ITPR2: variants seen among roughly 807,000 people sequenced by gnomAD.
ITPR2 encodes the protein inositol 1,4,5-trisphosphate receptor type 2, also known as inositol 1,4,5-trisphosphate-gated calcium channel ITPR2.
A neutral mutation model predicts 317.1 loss-of-function variants in ITPR2; 207 were observed. That is an observed-to-expected ratio of 0.65 (90% confidence interval 0.58 to 0.73). The LOEUF is 0.73. ITPR2 is among the 30% of genes least tolerant of loss of function. The pLI is 0.00. For missense variants in ITPR2, 2,613 were observed against 3,284.0 expected, an observed-to-expected ratio of 0.80 and a Z score of 4.99; for synonymous variants, 1,156 against 1,149.1, an observed-to-expected ratio of 1.01 and a Z score of -0.12.
intron 2 of ITPR2, among the ~76,000 whole-genome samples, chr12:26,728,867 G>A (rs34629155): frequency 0.21 from 32,059 of 152,104 alleles, 3,534 homozygotes; most frequent in Non-Finnish European, 0.24. Flanking sequence ...AAGATGAAGA[G>A]ATGACTAAAT....
At position 26,387,480 on chromosome 12, in the gene ITPR2, G is replaced by A. The variant is rs780374790; in HGVS notation, c.7811C>T (p.Pro2604Leu). ...YFIVLVKVKD[P>L]TEYTGPESYV... ...ACTTTCAGGTCCAGTGTATTCTGTT[G>A]GGTCTTTAACTTTCACCAGGACTAT... Residue 2604 changes from proline (P) to leucine (L), a missense_variant, in exon 55 of 57, where the codon CCA becomes CTA. Coordinates refer to ENST00000381340, the MANE Select transcript of ITPR2 (RefSeq NM_002223.4). The A allele has an allele frequency of 2.5e-6, 4 of 1,613,750 alleles. No homozygotes were observed. Among genetic ancestry groups the A allele is most frequent in the Non-Finnish European group, 2.5e-6 (3 of 1,179,818 alleles).
intron 2 of ITPR2, among the ~76,000 whole-genome samples, chr12:26,782,044 A>AT: frequency 3.4e-5 from 2 of 58,344 alleles, no homozygotes; most frequent in African/African-American, 1.7e-4. Context: ...GTATAGAGAG[A>AT]GAGAGAGAGA....
At chr12:26,755,865 A>G (rs922884539) in intron 2 of ITPR2, among the ~76,000 whole-genome samples, 1 of 152,168 alleles carries the variant, frequency 6.6e-6, no homozygotes, top group African/African-American at 2.4e-5. Context: ...ACCTGTAGTA[A>G]GTAAAGAATG....
At chr12:26,590,353 G>A (rs1198641564) in intron 32 of ITPR2, among the ~76,000 whole-genome samples, 1 of 152,140 alleles carries the variant, frequency 6.6e-6, no homozygotes, top group Non-Finnish European at 1.5e-5. Context: ...TGTGTTGCTG[G>A]AGAAAAAATA....
Position 26,663,767 on chromosome 12 carries a change from T to C in ITPR2, c.1631A>G (p.Gln544Arg). The change falls in exon 15 of 57, where the codon CAA becomes CGA. Residue 544 changes from glutamine (Q) to arginine (R), a missense_variant. Gln to Arg is a conservative substitution (Grantham distance 43). Around this residue, in one of 9 missense-constraint regions of ITPR2, gnomAD observed 515 missense variants for 789.4 expected, o/e 0.65. Transcript: ENST00000381340. ...SMLRLEDLGD[Q>R]RYAPYKYMLR... ...CATGTACTTGTAGGGTGCATATCTT[T>C]GATCCCCCAGATCTTCAAGTCTCAG... is the stretch of plus-strand genomic sequence containing the variant. 1.9e-6 allele frequency: 3 copies of C among 1,614,146 alleles called. No individual in the cohort carries two copies. In the South Asian group the frequency reaches 3.3e-5, roughly 18 times the overall value.
At chr12:26,425,253 T>A (rs1769463594) in intron 49 of ITPR2, among the ~76,000 whole-genome samples, 1 of 152,178 alleles carries the variant, frequency 6.6e-6, no homozygotes. Flanking sequence ...AAAACATGTT[T>A]ATTAATCCAC....
At position 26,665,989 on chromosome 12, in the gene ITPR2, T is replaced by C. The variant is rs773653838; in HGVS notation, c.1472A>G (p.Gln491Arg). The C allele has an allele frequency of 1.2e-6, 2 of 1,613,624 alleles. No homozygotes were observed. Among genetic ancestry groups the C allele is most frequent in the Non-Finnish European group, 1.7e-6 (2 of 1,179,534 alleles). Reference protein sequence around the residue: ...FFVADVPNNGQEVLDVVITKP... With the variant: ...FFVADVPNNGREVLDVVITKP... The stretch of plus-strand genomic sequence containing the variant: ...AGTGATAACCACATCCAGAACTTCT[T>C]GTCCATTATTAGGCACATCAGCAAC... Residue 491 changes from glutamine to arginine, a missense_variant, in exon 14 of 57, where the codon CAA (glutamine) becomes CGA (arginine). This residue lies in a region of ITPR2 where 515 missense variants were observed against 789.4 expected (regional missense o/e 0.65). Transcript: ENST00000381340.
intron 37 of ITPR2, among the ~76,000 whole-genome samples, chr12:26,501,628 G>T (rs942545508): frequency 2.6e-5 from 4 of 152,174 alleles, no homozygotes; most frequent in African/African-American, 4.8e-5. Context: ...AAAAATATAT[G>T]ATGTCTCAAT....
At position 26,452,792 on chromosome 12, in the gene ITPR2, C is replaced by T. The variant is rs140454812; in HGVS notation, c.6343-9142G>A. On this transcript the variant is annotated intron_variant, in intron 45 of 56. Coordinates refer to ENST00000381340, the MANE Select transcript of ITPR2 (RefSeq NM_002223.4). The stretch of plus-strand genomic sequence containing the variant: ...GTGATGATGCAGCACGATGCCCTCA[C>T]CAGAAGGCGACCAAATGCAGATGCC... Among the ~76,000 whole-genome samples, 849 of 152,230 alleles carry T rather than the reference C, an allele frequency of 5.6e-3. 7 individuals are homozygous for T. The highest frequency in any genetic ancestry group is 0.018 in the African/African-American group (763 of 41,522).
In ITPR2 at chr12:26,414,043, ATATATG is replaced by A. The variant is rs200915232; in HGVS notation, c.7306+1254_7306+1259del. ...TTTGGGAAGCAGATAGTCTACATGTATATATGTACACACACACACACACACACACAC... is the reference window on the plus strand; with the variant it reads ...TTTGGGAAGCAGATAGTCTACATGTATACACACACACACACACACACACAC... On this transcript the variant is annotated intron_variant, in intron 51 of 56. Coordinates refer to ENST00000381340, the MANE Select transcript of ITPR2 (RefSeq NM_002223.4). Among the ~76,000 whole-genome samples the A allele has an allele frequency of 8.2e-4, 85 of 104,210 alleles. 2 individuals carry two copies. The East Asian group carries it at 0.016, about 20-fold the overall frequency. The allele number at this position is 104,210 out of a possible 152,430, so 68.4% of individuals were successfully genotyped here. A position where few individuals can be genotyped will look rare whatever the true frequency, so the allele number is the denominator to read the frequency against.
intron 23 of ITPR2, among the ~76,000 whole-genome samples, chr12:26,627,756 A>G (rs1463559736): frequency 1.3e-5 from 2 of 152,054 alleles, no homozygotes; most frequent in Non-Finnish European, 2.9e-5. Flanking sequence ...GGAACATCAC[A>G]CACCAGGGCC....
intron 18 of ITPR2, among the ~76,000 whole-genome samples, chr12:26,657,417 A>G (rs1487026308): frequency 6.6e-6 from 1 of 152,194 alleles, no homozygotes; most frequent in Non-Finnish European, 1.5e-5. Flanking sequence ...AGGTCCTAAC[A>G]TGCCTCTCAT....
chr12:26,779,231 A>T (rs564739965), intron 2 of ITPR2, among the ~76,000 whole-genome samples: 1 of 152,304 alleles, frequency 6.6e-6, no homozygotes, highest in East Asian at 1.9e-4. Flanking sequence ...TTTTGGAGCA[A>T]GGCCCTGCCA....
At chr12:26,396,776 T>C (rs564912489) in intron 54 of ITPR2, among the ~76,000 whole-genome samples, 2 of 152,310 alleles carry the variant, frequency 1.3e-5, no homozygotes, top group South Asian at 4.1e-4. Flanking sequence ...AATTTCAGGA[T>C]TCTCAAAGTT....
At chr12:26,811,455 C>CA (rs1452628808) in intron 1 of ITPR2, among the ~76,000 whole-genome samples, 4 of 148,832 alleles carry the variant, frequency 2.7e-5, no homozygotes, top group Non-Finnish European at 5.9e-5. Flanking sequence ...CTAAAAAATA[C>CA]AAAAAATTGG....
At position 26,412,412 on chromosome 12, in the gene ITPR2, C is replaced by T. The variant is rs146276838; in HGVS notation, c.7307-1000G>A. Among the ~76,000 whole-genome samples the T allele has an allele frequency of 7.6e-4, 115 of 152,254 alleles. 2 individuals carry two copies. Among genetic ancestry groups the T allele is most frequent in the African/African-American group, 2.6e-3 (108 of 41,562 alleles). On this transcript the variant is annotated intron_variant, in intron 51 of 56. Transcript: ENST00000381340. ...CCATCCCCTGAGGGTGGGCACATCCCCATTAATCCTGAGTTGAGGGTGTGC... is the reference window on the plus strand; with the variant it reads ...CCATCCCCTGAGGGTGGGCACATCCTCATTAATCCTGAGTTGAGGGTGTGC...
intron 55 of ITPR2, among the ~76,000 whole-genome samples, chr12:26,381,012 G>C (rs1431612962): frequency 2.6e-5 from 4 of 152,146 alleles, no homozygotes; most frequent in Non-Finnish European, 5.9e-5. Flanking sequence ...TCTTAAGGGT[G>C]AGTTATGCTG....
At chr12:26,503,290 G>C (rs562251493) in intron 37 of ITPR2, among the ~76,000 whole-genome samples, 1 of 151,966 alleles carries the variant, frequency 6.6e-6, no homozygotes, top group Non-Finnish European at 1.5e-5. Flanking sequence ...TCTTAAAAGA[G>C]AGGAAGAAAA....
At chr12:26,775,051 C>T (rs1218101806) in intron 2 of ITPR2, among the ~76,000 whole-genome samples, 1 of 152,136 alleles carries the variant, frequency 6.6e-6, no homozygotes. Context: ...CTTCCTTTCA[C>T]CCCATTTTCC....
Sources: gnomAD v4.1 joint callset for allele counts (sites outside exome capture counted in the v4.1 genomes callset) on GRCh38, gnomAD v4.1.1 for gene constraint, gnomAD v4.1.1 regional missense constraint, MANE v1.5 for transcripts, NCBI Gene and HGNC (gene_info 2026-07-23, HGNC 2026-07-21) for gene names.